TRIM66: variants seen among roughly 807,000 people sequenced by gnomAD.
TRIM66 encodes tripartite motif-containing protein 66.
A neutral mutation model predicts 148.2 loss-of-function variants in TRIM66; 99 were observed. That is an observed-to-expected ratio of 0.67 (90% confidence interval 0.57 to 0.79). The LOEUF (loss-of-function observed/expected upper bound fraction) is 0.79. Among genes scored for constraint, TRIM66 ranks in the 30% least tolerant of loss-of-function variants. TRIM66 has a pLI of 0.00. For missense variants in TRIM66, 1,666 were observed against 1,697.9 expected, an observed-to-expected ratio of 0.98 and a Z score of 0.33; for synonymous variants, 616 against 635.9, an observed-to-expected ratio of 0.97 and a Z score of 0.47.
intron 1 of TRIM66, chr11:8,681,050 T>TGGGA (rs923407983): frequency 5.9e-5 from 9 of 151,922 alleles, no homozygotes; most frequent in African/African-American, 2.2e-4. Context: ...GAACAATGGA[T>TGGGA]GGGAAGGTGC....
At chr11:8,655,866 C>G (rs996904320) in intron 6 of TRIM66, among the ~76,000 whole-genome samples, 2 of 152,142 alleles carry the variant, frequency 1.3e-5, no homozygotes, top group African/African-American at 4.8e-5. Flanking sequence ...CCAAATGGCA[C>G]CCTGGCTATC....
intron 15 of TRIM66, among the ~76,000 whole-genome samples, chr11:8,625,502 AGAGT>A (rs900329093): frequency 1.1e-4 from 13 of 113,552 alleles, no homozygotes; most frequent in East Asian, 3.5e-4. Flanking sequence ...TGTCACAGCA[AGAGT>A]GAGAAGGAGA....
chr11:8,636,894 T>C (rs1346678965), intron 15 of TRIM66, among the ~76,000 whole-genome samples: 1 of 152,112 alleles, frequency 6.6e-6, no homozygotes, highest in East Asian at 1.9e-4. Context: ...TTTCAATCCA[T>C]CCCATTCCCC....
rs1004698168 is a variant in TRIM66 at position 8,619,365 on chromosome 11, A to C, written c.3900+18T>G. On this transcript the variant is annotated intron_variant, in intron 23 of 24. Transcript: ENST00000646038. ...GGATGCAGGGAAATAGGAGAGAGGGAAAACAGGCAAGACATACATAATTGA... is the reference window on the plus strand; with the variant it reads ...GGATGCAGGGAAATAGGAGAGAGGGCAAACAGGCAAGACATACATAATTGA... The C allele has an allele frequency of 2.1e-6, 3 of 1,449,380 alleles. No individual in the cohort carries two copies. Among genetic ancestry groups the C allele is most frequent in the African/African-American group, 2.9e-5 (2 of 69,768 alleles). 89.8% of individuals were successfully genotyped at this position (1,449,380 alleles called of 1,614,324 possible). A position where few individuals can be genotyped will look rare whatever the true frequency, so the allele number is the denominator to read the frequency against.
At chr11:8,659,443 A>T (rs1364194166) in intron 6 of TRIM66, among the ~76,000 whole-genome samples, 2 of 152,182 alleles carry the variant, frequency 1.3e-5, no homozygotes, top group African/African-American at 4.8e-5. Context: ...TGTTGGGGCT[A>T]GTGGTGGTGT....
In TRIM66 at chr11:8,616,221, G is replaced by A. The variant is rs1211491594; in HGVS notation, c.*1723C>T. ...GCTGCTGAAAGAATGGCAAGCCAAGGGGCATGGTTTGCTTTAAAGTGAAGA... is the reference window on the plus strand; with the variant it reads ...GCTGCTGAAAGAATGGCAAGCCAAGAGGCATGGTTTGCTTTAAAGTGAAGA... On this transcript the variant is annotated 3_prime_UTR_variant, in exon 25 of 25. Coordinates refer to ENST00000646038, the MANE Select transcript of TRIM66 (RefSeq NM_001388022.1). 6.6e-6 allele frequency: 1 copy of A among 152,226 alleles called. No homozygotes were observed. Among genetic ancestry groups the A allele is most frequent in the Non-Finnish European group, 1.5e-5 (1 of 68,052 alleles). The allele number at this position is 152,226 out of a possible 1,614,324, so 9.4% of individuals were successfully genotyped here. A position where few individuals can be genotyped will look rare whatever the true frequency, so the allele number is the denominator to read the frequency against.
At position 8,671,957 on chromosome 11, in the gene TRIM66, T is replaced by C. The variant is rs772995123; in HGVS notation, c.169A>G (p.Lys57Glu). ...LPLAGQKHCPKSGQMEAMVMT... is the reference protein window; with the variant it reads ...LPLAGQKHCPESGQMEAMVMT... Reference sequence around the variant, plus strand: ...ACCATGGCCTCCATCTGTCCACTCTTAGGGCAGTGTTTCTGGCCAGCTAGT... The same window carrying C: ...ACCATGGCCTCCATCTGTCCACTCTCAGGGCAGTGTTTCTGGCCAGCTAGT... Residue 57 changes from lysine to glutamate, a missense_variant, in exon 6 of 25, where the codon AAG (lysine) becomes GAG (glutamate). Coordinates refer to ENST00000646038, the MANE Select transcript of TRIM66 (RefSeq NM_001388022.1). 2.0e-5 allele frequency: 31 copies of C among 1,536,036 alleles called. No homozygotes were observed. The highest frequency in any genetic ancestry group is 3.6e-5 in the South Asian group (3 of 84,066).
At chr11:8,677,993 G>A (rs561395353) in intron 3 of TRIM66, 20 of 152,212 alleles carry the variant, frequency 1.3e-4, no homozygotes, top group South Asian at 1.2e-3. Context: ...AAAAACTACC[G>A]ATAAAGGCAA....
At chr11:8,644,081 C>T (rs1182038085) in intron 12 of TRIM66, among the ~76,000 whole-genome samples, 2 of 152,178 alleles carry the variant, frequency 1.3e-5, no homozygotes, top group Non-Finnish European at 2.9e-5. Flanking sequence ...TCCAACAACC[C>T]ACCCTGGTCA....
intron 6 of TRIM66, among the ~76,000 whole-genome samples, chr11:8,659,574 T>A (rs2038105989): frequency 6.6e-6 from 1 of 152,180 alleles, no homozygotes; most frequent in African/African-American, 2.4e-5. Context: ...CCTTGCCCTC[T>A]TAATATCAGG....
rs1388599714 is a variant in TRIM66, at chr11:8,638,576, ATCC to A, written c.2310+75_2310+77del. On this transcript the variant is annotated intron_variant, in intron 15 of 24. Coordinates refer to ENST00000646038, the MANE Select transcript of TRIM66 (RefSeq NM_001388022.1). ...ACAGGGACGCTCCTCCCCCCACCCT[ATCC>A]TCCTCCTCCAAGTGCCTGGGGTCTT... 1.4e-4 allele frequency: 210 copies of A among 1,482,758 alleles called. No homozygotes were observed. In the South Asian group the frequency reaches 2.4e-3, roughly 17 times the overall value. 91.9% of individuals were successfully genotyped at this position (1,482,758 alleles called of 1,614,324 possible). A position where few individuals can be genotyped will look rare whatever the true frequency, so the allele number is the denominator to read the frequency against.
Position 8,643,095 on chromosome 11 carries a change from G to T in TRIM66, c.1136C>A (p.Thr379Lys). 6.4e-7 allele frequency: 1 copy of T among 1,551,008 alleles called. No homozygotes were observed. Among genetic ancestry groups the T allele is most frequent in the African/African-American group, 1.4e-5 (1 of 73,062 alleles). ...GGAGCCAGGATCTGTGTTACAACTTGTCTCCAGCAATCGCTGCATCTGAAA... is the reference window on the plus strand; with the variant it reads ...GGAGCCAGGATCTGTGTTACAACTTTTCTCCAGCAATCGCTGCATCTGAAA... Reference protein sequence around the residue: ...IVFQMQRLLETSCNTDPGSPW... With the variant: ...IVFQMQRLLEKSCNTDPGSPW... Residue 379 changes from threonine to lysine, a missense_variant, in exon 13 of 25, where the codon ACA becomes AAA. Coordinates refer to ENST00000646038, the MANE Select transcript of TRIM66 (RefSeq NM_001388022.1).
At chr11:8,651,646 T>C (rs1410874994) in intron 7 of TRIM66, among the ~76,000 whole-genome samples, 154 bp downstream of exon 7, 2 of 152,244 alleles carry the variant, frequency 1.3e-5, no homozygotes, top group Non-Finnish European at 2.9e-5. Context: ...CATGCATTTT[T>C]ATTTTCTTCT....
rs1009188765 is a variant in TRIM66 at position 8,620,531 on chromosome 11, G to A, written c.3587C>T (p.Pro1196Leu). 1.9e-6 allele frequency: 3 copies of A among 1,551,760 alleles called. No homozygotes were observed. Among genetic ancestry groups the A allele is most frequent in the Admixed American group, 2.0e-5 (1 of 51,000 alleles). ...VCTLCRSLTQPEMEYDCENAC... is the reference protein window; with the variant it reads ...VCTLCRSLTQLEMEYDCENAC... The stretch of plus-strand genomic sequence containing the variant: ...ATTCTCACAGTCGTACTCCATCTCG[G>A]GCTGGGTCAGGCTGCGGCACAAGGT... The change falls in exon 21 of 25, where the codon CCC becomes CTC. Residue 1196 changes from proline (P) to leucine (L), a missense_variant. By Grantham distance (98) the Pro-to-Leu change is moderately conservative (BLOSUM62 -3). Transcript: ENST00000646038.
chr11:8,669,185 T>G (rs1430874507), intron 6 of TRIM66, among the ~76,000 whole-genome samples: 28 of 152,220 alleles, frequency 1.8e-4, no homozygotes, highest in Admixed American at 1.8e-3. Flanking sequence ...CTGCCTTATG[T>G]TGATGCATTG....
At chr11:8,634,975 C>T (rs1180852172) in intron 15 of TRIM66, among the ~76,000 whole-genome samples, 1 of 152,184 alleles carries the variant, frequency 6.6e-6, no homozygotes, top group Admixed American at 6.5e-5. Context: ...GGACAAAACA[C>T]CTTTACCAGA....
chr11:8,630,082 A>C (rs1039741466), intron 15 of TRIM66, among the ~76,000 whole-genome samples: 4 of 152,234 alleles, frequency 2.6e-5, no homozygotes, highest in African/African-American at 9.6e-5. Context: ...AGAAGATTTG[A>C]GAACCTTCAT....
chr11:8,649,745 G>A lies in TRIM66; in HGVS notation c.587C>T (p.Ser196Phe). ...GGGAGAGGTGGGATTGGTACCTGGA[G>A]ATCCCTTCTGGGCCCGAGGAAAGAA... ...GPFFPRAQKG[S>F]PGVNGGPGDF... Residue 196 changes from serine (S) to phenylalanine (F), a missense_variant, in exon 8 of 25, where the codon TCT becomes TTT. Physicochemically the swap from Ser to Phe is radical, Grantham distance 155. Transcript: ENST00000646038. 6.4e-7 allele frequency: 1 copy of A among 1,551,226 alleles called. No individual in the cohort carries two copies. The highest frequency in any genetic ancestry group is 1.2e-5 in the South Asian group (1 of 84,042).
rs1416895330 is a variant in TRIM66, at chr11:8,618,851, C to T, written c.4018G>A (p.Glu1340Lys). The change falls in exon 24 of 25, where the codon GAG (glutamate) becomes AAG (lysine). Residue 1340 changes from glutamate (E) to lysine (K), a missense_variant. Around this residue, in one of 3 missense-constraint regions of TRIM66, gnomAD observed 204 missense variants for 231.0 expected, o/e 0.88. Transcript: ENST00000646038. ...CATCCACTCTCACTAGACACCTCCT[C>T]GGAGTCTGAGTCCTCCTGCCTTGGC... ...AQPRQEDSDS[E>K]EVSSESGCST... 1.5e-5 allele frequency: 23 copies of T among 1,551,376 alleles called. No individual in the cohort carries two copies. The highest frequency in any genetic ancestry group is 2.7e-5 in the African/African-American group (2 of 72,984).
Sources: gnomAD v4.1 joint callset for allele counts (sites outside exome capture counted in the v4.1 genomes callset) on GRCh38, gnomAD v4.1.1 for gene constraint, gnomAD v4.1.1 regional missense constraint, MANE v1.5 for transcripts, NCBI Gene and HGNC (gene_info 2026-07-23, HGNC 2026-07-21) for gene names.